The following AGPAT5 variants were observed in gnomAD, a reference collection of about 807,000 sequenced individuals.
AGPAT5 encodes the protein 1-acylglycerol-3-phosphate O-acyltransferase 5.
A neutral mutation model predicts 45.6 loss-of-function variants in AGPAT5; 46 were observed. The ratio of observed to expected loss-of-function variants is 1.01; its 90% CI spans 0.80 to 1.29. AGPAT5 has a LOEUF of 1.29. Among genes scored for constraint, AGPAT5 ranks in the 50% most tolerant of loss-of-function variants. The probability of loss-of-function intolerance (pLI) is 0.00; values close to 1 mark genes in which losing one functional copy is unlikely to be tolerated. For missense variants in AGPAT5, 673 were observed against 450.7 expected (o/e 1.49, Z -4.47); for synonymous variants, 272 against 167.0 (o/e 1.63, Z -4.85).
intron 1 of AGPAT5, among the ~76,000 whole-genome samples, chr8:6,713,819 C>T (rs1800234230): frequency 6.6e-6 from 1 of 152,108 alleles, no homozygotes; most frequent in South Asian, 2.1e-4. Context: ...CGTCCTTGAT[C>T]CACCATGCTT....
chr8:6,732,753 T>G, intron 4 of AGPAT5, 103 bp downstream of exon 4: 1 of 1,035,678 alleles, frequency 9.7e-7, no homozygotes. Flanking sequence ...TTTTCCCATG[T>G]GTAATTACTA....
At chr8:6,724,528 C>G (rs1800617384) in intron 1 of AGPAT5, among the ~76,000 whole-genome samples, 1 of 152,156 alleles carries the variant, frequency 6.6e-6, no homozygotes, top group African/African-American at 2.4e-5. Flanking sequence ...GTGGACATGT[C>G]TGTCTCTTTT....
intron 2 of AGPAT5, among the ~76,000 whole-genome samples, chr8:6,725,993 T>C (rs1800674234): frequency 6.6e-6 from 1 of 152,250 alleles, no homozygotes; most frequent in Non-Finnish European, 1.5e-5. Context: ...AGTGAATTAA[T>C]GATTACATTC....
At chr8:6,749,183 A>G (rs1464925404) in intron 6 of AGPAT5, among the ~76,000 whole-genome samples, 3 of 152,210 alleles carry the variant, frequency 2.0e-5, no homozygotes, top group South Asian at 4.1e-4. Flanking sequence ...AAATAATGAT[A>G]AGATGAGGGT....
chr8:6,747,948 G>T, intron 6 of AGPAT5, 120 bp downstream of exon 6: 3 of 1,026,542 alleles, frequency 2.9e-6, no homozygotes, highest in Non-Finnish European at 4.1e-6. Flanking sequence ...CATTTACCCG[G>T]TATATTTTTC....
rs1801934545 is a variant in AGPAT5 at position 6,758,891 on chromosome 8, C to T, written c.*1503C>T. ...AAATATATCAGTGGCCCACATTAAA[C>T]ATACCAGTTGGATCATGATAAGCAA... On this transcript the variant is annotated 3_prime_UTR_variant, in exon 8 of 8. Coordinates refer to ENST00000285518, the MANE Select transcript of AGPAT5 (RefSeq NM_018361.5). 1 of 152,646 alleles carries T rather than the reference C, an allele frequency of 6.6e-6. No individual in the cohort carries two copies. The highest frequency in any genetic ancestry group is 6.5e-5 in the Admixed American group (1 of 15,284). 9.5% of individuals were successfully genotyped at this position (152,646 alleles called of 1,614,324 possible). A position where few individuals can be genotyped will look rare whatever the true frequency, so the allele number is the denominator to read the frequency against.
rs375803469 is a variant in AGPAT5, at chr8:6,747,754, C to A, written c.671C>A (p.Ala224Glu). The A allele has an allele frequency of 1.2e-6, 2 of 1,614,016 alleles. No individual in the cohort carries two copies. Among genetic ancestry groups the A allele is most frequent in the Non-Finnish European group, 1.7e-6 (2 of 1,180,020 alleles). ...AFDCMKNYLD[A>E]IYDVTVVYEG... ...GATTGCATGAAGAATTATTTAGATGCAATTTATGATGTTACGGTGGTTTAT... is the reference window on the plus strand; with the variant it reads ...GATTGCATGAAGAATTATTTAGATGAAATTTATGATGTTACGGTGGTTTAT... Residue 224 changes from alanine (A) to glutamate (E), a missense_variant, in exon 6 of 8, where the codon GCA becomes GAA. Physicochemically the swap from Ala to Glu is moderately radical, Grantham distance 107. Transcript: ENST00000285518.
At chr8:6,753,811 T>G (rs917444855) in intron 6 of AGPAT5, among the ~76,000 whole-genome samples, 1 of 152,360 alleles carries the variant, frequency 6.6e-6, no homozygotes. Context: ...CATGTATTAT[T>G]AAAGCCAGTT....
intron 1 of AGPAT5, among the ~76,000 whole-genome samples, chr8:6,711,025 G>C (rs1470321455): frequency 2.0e-5 from 3 of 152,058 alleles, no homozygotes; most frequent in African/African-American, 4.8e-5. Context: ...AGTAATTTAA[G>C]AGGTTATAAG....
chr8:6,718,884 C>A (rs1464859543), intron 1 of AGPAT5, among the ~76,000 whole-genome samples: 1 of 152,156 alleles, frequency 6.6e-6, no homozygotes, highest in Admixed American at 6.5e-5. Flanking sequence ...TGAGAAGCAG[C>A]AGTTAATTAC....
chr8:6,713,704 G>A (rs956972218), intron 1 of AGPAT5, among the ~76,000 whole-genome samples: 2 of 142,850 alleles, frequency 1.4e-5, no homozygotes, highest in Admixed American at 7.2e-5. Context: ...CAGGTACACA[G>A]CACCATGCCC....
In AGPAT5 at chr8:6,758,251, C is replaced by G. The variant is rs1000716026; in HGVS notation, c.*863C>G. 3 of 152,512 alleles carry G rather than the reference C, an allele frequency of 2.0e-5. No individual in the cohort carries two copies. The highest frequency in any genetic ancestry group is 7.2e-5 in the African/African-American group (3 of 41,386). 9.4% of individuals were successfully genotyped at this position (152,512 alleles called of 1,614,324 possible). A position where few individuals can be genotyped will look rare whatever the true frequency, so the allele number is the denominator to read the frequency against. The stretch of plus-strand genomic sequence containing the variant: ...AGAGTCGGTGTGAACCTTGGTTGGA[C>G]CCCAAGTTCACAAGATTTTTAAGGT... On this transcript the variant is annotated 3_prime_UTR_variant, in exon 8 of 8. Coordinates refer to ENST00000285518, the MANE Select transcript of AGPAT5 (RefSeq NM_018361.5).
At chr8:6,711,532 G>C (rs1269232268) in intron 1 of AGPAT5, among the ~76,000 whole-genome samples, 1 of 152,122 alleles carries the variant, frequency 6.6e-6, no homozygotes, top group Non-Finnish European at 1.5e-5. Context: ...CGTAATTTGA[G>C]ACTATTGAAA....
At chr8:6,741,222 A>C (rs186577397) in intron 4 of AGPAT5, among the ~76,000 whole-genome samples, 3 of 152,114 alleles carry the variant, frequency 2.0e-5, no homozygotes, top group African/African-American at 7.2e-5. Context: ...GGAATTTACT[A>C]TATGATTTTC....
chr8:6,728,298 T>C (rs1445564343), intron 2 of AGPAT5, among the ~76,000 whole-genome samples: 1 of 152,234 alleles, frequency 6.6e-6, no homozygotes, highest in African/African-American at 2.4e-5. Flanking sequence ...CAAAGTAATA[T>C]AATCTCAGCT....
chr8:6,711,092 AT>A (rs1221056638), intron 1 of AGPAT5, among the ~76,000 whole-genome samples: 3 of 152,064 alleles, frequency 2.0e-5, no homozygotes, highest in South Asian at 2.1e-4. Context: ...TTAAAATAAA[AT>A]TTTTTTTAAA....
chr8:6,717,606 AG>A (rs1427364504), intron 1 of AGPAT5, among the ~76,000 whole-genome samples: 1 of 152,238 alleles, frequency 6.6e-6, no homozygotes, highest in African/African-American at 2.4e-5. Context: ...GAGGAAATAA[AG>A]GAGGAATACA....
intron 4 of AGPAT5, among the ~76,000 whole-genome samples, chr8:6,737,336 A>T (rs1373577577): frequency 1.3e-5 from 2 of 152,250 alleles, no homozygotes; most frequent in African/African-American, 4.8e-5. Context: ...TAAGTAAGTG[A>T]CATGGTAGAA....
intron 2 of AGPAT5, among the ~76,000 whole-genome samples, chr8:6,729,178 A>C (rs1004423791): frequency 6.6e-5 from 10 of 152,212 alleles, no homozygotes; most frequent in African/African-American, 2.4e-4. Flanking sequence ...AATTTTTAGT[A>C]TTAAAATGGC....
Sources: gnomAD v4.1 joint callset for allele counts (sites outside exome capture counted in the v4.1 genomes callset) on GRCh38, gnomAD v4.1.1 for gene constraint, MANE v1.5 for transcripts, NCBI Gene and HGNC (gene_info 2026-07-23, HGNC 2026-07-21) for gene names.